PXMP2: variants seen among roughly 807,000 people sequenced by gnomAD.
PXMP2 encodes the protein 22 kDa peroxisomal membrane protein.
In PXMP2, 13 loss-of-function variants were observed where a neutral mutation model predicts 20.2. The ratio of observed to expected loss-of-function variants is 0.64; its 90% confidence interval spans 0.42 to 1.02. The LOEUF (loss-of-function observed/expected upper bound fraction) is 1.02, where lower values mean the gene tolerates loss of function less well. Ranked by LOEUF, PXMP2 falls within the 50% of genes least tolerant of loss-of-function variation. PXMP2 has a pLI of 0.00. For missense variants in PXMP2, 284 were observed against 251.8 expected (o/e 1.13, Z -0.87); for synonymous variants, 113 against 111.2 (o/e 1.02, Z -0.10).
Position 132,701,261 on chromosome 12 carries a change from C to T in PXMP2, c.411C>T (p.Ala137=), listed in dbSNP as rs764198901. 1.2e-6 allele frequency: 2 copies of T among 1,613,630 alleles called. No individual in the cohort carries two copies. The highest frequency in any genetic ancestry group is 1.1e-5 in the South Asian group (1 of 91,048). ...TCCCTCCTTTGCAGGGGAAAGACGC[C>T]TCAGCCTTCGCCGCCAAGATGAGGG... ...LIMNFLEGKD[A]SAFAAKMRGG... Residue 137 remains alanine (A), a synonymous_variant, in exon 4 of 5, where the codon GCC becomes GCT. Coordinates refer to ENST00000317479, the MANE Select transcript of PXMP2 (RefSeq NM_018663.3).
At position 132,699,123 on chromosome 12, in the gene PXMP2, C is replaced by T. The variant is rs73485113; in HGVS notation, c.400-2127C>T. ...TCAAGTCTCTGGTGTCTGTTATTTC[C>T]CTCTGTTGGTCCATGTATACCCACT... On this transcript the variant is annotated intron_variant, in intron 3 of 4. Transcript: ENST00000317479. 3.2e-3 allele frequency among the ~76,000 whole-genome samples: 482 copies of T among 152,164 alleles called. 3 individuals are homozygous for T. Among genetic ancestry groups the T allele is most frequent in the African/African-American group, 0.011 (452 of 41,490 alleles).
chr12:132,694,568 C>T (rs1415408075), intron 2 of PXMP2, among the ~76,000 whole-genome samples: 7 of 108,196 alleles, frequency 6.5e-5, no homozygotes, highest in South Asian at 3.3e-4. Flanking sequence ...AGTTAGTGAG[C>T]GCCCTTGCCA....
chr12:132,693,799 T>G lies in PXMP2; in HGVS notation c.237-2085T>G, dbSNP rs79915893. Among the ~76,000 whole-genome samples, 232 of 71,326 alleles carry G rather than the reference T, an allele frequency of 3.3e-3. 2 individuals carry two copies. Among genetic ancestry groups the G allele is most frequent in the Admixed American group, 7.5e-3 (52 of 6,912 alleles). The allele number at this position is 71,326 out of a possible 152,430, so 46.8% of individuals were successfully genotyped here. A position where few individuals can be genotyped will look rare whatever the true frequency, so the allele number is the denominator to read the frequency against. On this transcript the variant is annotated intron_variant, in intron 2 of 4. Coordinates refer to ENST00000317479, the MANE Select transcript of PXMP2 (RefSeq NM_018663.3). ...CGCCCTTGCCAGTTAGTTAGTTAGC[T>G]CCCTTAGCCAGTTAGTTAGTGAGCT... is the stretch of plus-strand genomic sequence containing the variant.
intron 3 of PXMP2, among the ~76,000 whole-genome samples, chr12:132,700,369 A>G (rs1593109198): frequency 6.6e-6 from 1 of 152,206 alleles, no homozygotes; most frequent in Middle Eastern, 3.4e-3. Context: ...AATAATAGCC[A>G]TTCTGACTCG....
Position 132,687,748 on chromosome 12 carries a change from GCT to G in PXMP2, c.81_82del (p.Phe28ProfsTer28), listed in dbSNP as rs2043315071. 1 of 1,219,488 alleles carries G rather than the reference GCT, an allele frequency of 8.2e-7. No homozygotes were observed. The highest frequency in any genetic ancestry group is 3.9e-5 in the Admixed American group (1 of 25,344). The allele number at this position is 1,219,488 out of a possible 1,614,324, so 75.5% of individuals were successfully genotyped here. ...LPRRALAQYL[L>X]FLRLYPVLTK... ...CGCGGCGGGCGCTCGCCCAGTACCT[GCT>G]CTTCCTGCGGCTCTACCCGGTGCTC... On this transcript the variant is annotated frameshift_variant, in exon 1 of 5. Coordinates refer to ENST00000317479, the MANE Select transcript of PXMP2 (RefSeq NM_018663.3). LOFTEE classifies it high-confidence loss of function.
rs1171433480 is a variant in PXMP2, at chr12:132,696,382, G to C, written c.399+336G>C. Among the ~76,000 whole-genome samples the C allele has an allele frequency of 6.6e-6, 1 of 152,092 alleles. No individual in the cohort carries two copies. The highest frequency in any genetic ancestry group is 6.6e-5 in the Admixed American group (1 of 15,262). Reference sequence around the variant, plus strand: ...CTCCCAAGTAGCTGGGACCACATGTGCGTGCCACCACACCCAGCTAATCAG... The same window carrying C: ...CTCCCAAGTAGCTGGGACCACATGTCCGTGCCACCACACCCAGCTAATCAG... On this transcript the variant is annotated intron_variant, in intron 3 of 4. Coordinates refer to ENST00000317479, the MANE Select transcript of PXMP2 (RefSeq NM_018663.3). The surrounding 1 kb of genome is among the most constrained non-coding windows in gnomAD (Gnocchi z 4.4).
At chr12:132,695,795 T>C in intron 2 of PXMP2, 89 bp from the exon 3 acceptor site, 1 of 1,407,376 alleles carries the variant, frequency 7.1e-7, no homozygotes, top group Non-Finnish European at 9.7e-7. Flanking sequence ...GAAGCAGGGG[T>C]TAGGACCTGG....
Position 132,690,302 on chromosome 12 carries a change from G to C in PXMP2, c.162G>C (p.Met54Ile), listed in dbSNP as rs1461409332. The C allele has an allele frequency of 6.2e-7, 1 of 1,613,952 alleles. No individual in the cohort carries two copies. The change falls in exon 2 of 5, where the codon ATG (methionine) becomes ATC (isoleucine). Residue 54 changes from methionine to isoleucine, a missense_variant. Physicochemically the swap from Met to Ile is conservative, Grantham distance 10 (BLOSUM62 1). Coordinates refer to ENST00000317479, the MANE Select transcript of PXMP2 (RefSeq NM_018663.3). Reference sequence around the variant, plus strand: ...CACTTGGGAACTTCCTGGCCCAGATGATTGAGAAGAAGCGGAAAAAAGAAA... The same window carrying C: ...CACTTGGGAACTTCCTGGCCCAGATCATTGAGAAGAAGCGGAAAAAAGAAA... ...LSALGNFLAQ[M>I]IEKKRKKENS...
chr12:132,700,545 T>C (rs1238664897), intron 3 of PXMP2, among the ~76,000 whole-genome samples: 1 of 152,198 alleles, frequency 6.6e-6, no homozygotes, highest in East Asian at 1.9e-4. Flanking sequence ...TCTTGTTGAG[T>C]TGTGTAAGTT....
chr12:132,692,667 TTAGCCAGTTAGTTAGTGAGC>T (rs1347573719), intron 2 of PXMP2, among the ~76,000 whole-genome samples: 9 of 140,788 alleles, frequency 6.4e-5, no homozygotes, highest in African/African-American at 2.5e-4. Flanking sequence ...GTGAGCGCCC[TTAGCCAGTTAGTTAGTGAGC>T]GCCCTTGCCA....
intron 2 of PXMP2, among the ~76,000 whole-genome samples, chr12:132,692,712 ACC>A (rs1177528347): frequency 4.0e-5 from 2 of 49,894 alleles, no homozygotes; most frequent in African/African-American, 7.2e-5. Flanking sequence ...GTTAGTGAGC[ACC>A]CTTGCCAGTT....
chr12:132,704,947 G>A lies in PXMP2; in HGVS notation c.*260G>A, dbSNP rs1275134777. The A allele has an allele frequency of 3.1e-5, 17 of 545,828 alleles. No homozygotes were observed. The highest frequency in any genetic ancestry group is 5.8e-5 in the African/African-American group (3 of 52,054). The allele number at this position is 545,828 out of a possible 1,614,324, so 33.8% of individuals were successfully genotyped here. ...GCAGTTTCAATTGTTACTGTGGACC[G>A]AATTAGGATCACAATAAACGATAAT... On this transcript the variant is annotated 3_prime_UTR_variant, in exon 5 of 5. Coordinates refer to ENST00000317479, the MANE Select transcript of PXMP2 (RefSeq NM_018663.3).
At chr12:132,697,143 A>G (rs1404202432) in intron 3 of PXMP2, among the ~76,000 whole-genome samples, 1 of 151,666 alleles carries the variant, frequency 6.6e-6, no homozygotes, top group East Asian at 2.0e-4. Context: ...AAAATGAGCC[A>G]GTGTGGTGAT....
chr12:132,699,698 T>C (rs10870494), intron 3 of PXMP2, among the ~76,000 whole-genome samples: 67,316 of 151,506 alleles, frequency 0.44, 16,897 homozygotes, highest in Non-Finnish European at 0.57. Context: ...CGCGGCCGAG[T>C]TCATTCTTTT....
chr12:132,691,253 A>G (rs959926373), intron 2 of PXMP2, among the ~76,000 whole-genome samples: 4 of 151,824 alleles, frequency 2.6e-5, no homozygotes, highest in African/African-American at 7.3e-5. Flanking sequence ...GGGTTTCACC[A>G]TTCACAGGAT....
In PXMP2 at chr12:132,696,717, G is replaced by A. The variant is rs959574830; in HGVS notation, c.399+671G>A. Among the ~76,000 whole-genome samples, 1 of 151,726 alleles carries A rather than the reference G, an allele frequency of 6.6e-6. No individual in the cohort carries two copies. Among genetic ancestry groups the A allele is most frequent in the Non-Finnish European group, 1.5e-5 (1 of 67,906 alleles). ...TGGGAGGCTGAGGCAGGAGAATGGCGTGAACCCGGGAGGTGGAGCTTGCCG... is the reference window on the plus strand; with the variant it reads ...TGGGAGGCTGAGGCAGGAGAATGGCATGAACCCGGGAGGTGGAGCTTGCCG... On this transcript the variant is annotated intron_variant, in intron 3 of 4. Coordinates refer to ENST00000317479, the MANE Select transcript of PXMP2 (RefSeq NM_018663.3). This position sits in a 1 kb window ranked among gnomAD's most constrained non-coding sequence, Gnocchi z 4.4.
chr12:132,693,972 AGCCAGTTAGTGAGCTCCCTT>A (rs1410872036), intron 2 of PXMP2, among the ~76,000 whole-genome samples: 8 of 69,252 alleles, frequency 1.2e-4, no homozygotes, highest in East Asian at 3.5e-4. Flanking sequence ...GAGCTCCCTT[AGCCAGTTAGTGAGCTCCCTT>A]GCCAGTTAGT....
In PXMP2 at chr12:132,690,368, CGTTTACGGGTGAGTGCCATACAAGGGGTG is replaced by C. The variant is rs752629309; in HGVS notation, c.230_236+22del. The C allele has an allele frequency of 2.4e-5, 38 of 1,611,226 alleles. No individual in the cohort carries two copies. In the African/African-American group the frequency reaches 4.6e-4, roughly 19 times the overall value. On this transcript the variant is annotated splice_donor_variant and splice_donor_5th_base_variant and coding_sequence_variant and intron_variant, in exon 2 of 5. Transcript: ENST00000317479. LOFTEE classifies it high-confidence loss of function. ...ATGTCGGTGGGCCTCTGAGATATGC[CGTTTACGGGTGAGTGCCATACAAGGGGTG>C]GGTTTACCTTGTAGCCGCTGAGTGC... is the stretch of plus-strand genomic sequence containing the variant.
chr12:132,692,218 C>A (rs1249155227), intron 2 of PXMP2, among the ~76,000 whole-genome samples: 1 of 146,380 alleles, frequency 6.8e-6, no homozygotes, highest in Non-Finnish European at 1.5e-5. Context: ...AGTTAGTGAG[C>A]GCCCTTAGCC....
Sources: gnomAD v4.1 joint callset for allele counts (sites outside exome capture counted in the v4.1 genomes callset) on GRCh38, gnomAD v4.1.1 for gene constraint, Gnocchi (gnomAD v3.1) non-coding constraint, MANE v1.5 for transcripts, NCBI Gene and HGNC (gene_info 2026-07-23, HGNC 2026-07-21) for gene names.